Variants in CTC1 observed in about 807,000 individuals in gnomAD.
CTC1 encodes the protein CST complex subunit CTC1.
A neutral mutation model predicts 136.3 loss-of-function variants in CTC1; 91 were observed. The observed-to-expected ratio is 0.67, with a 90% CI of 0.56 to 0.79. The LOEUF is 0.79. CTC1 is among the 30% of genes least tolerant of loss of function. The pLI is 0.00. For missense variants in CTC1, 1,432 were observed against 1,498.1 expected, an observed-to-expected ratio of 0.96 and a Z score of 0.73; for synonymous variants, 606 against 613.8, an observed-to-expected ratio of 0.99 and a Z score of 0.19.
chr17:8,228,267 G>A lies in CTC1; in HGVS notation c.3567C>T (p.His1189=), dbSNP rs374942931. Residue 1189 remains histidine, a synonymous_variant, in exon 23 of 23, where the codon CAC becomes CAT. Transcript: ENST00000651323. ...FQCGELPFLT[H]VNPRLRLSCL... is the part of the protein sequence containing the mutation. ...AGGACAATCGGAGCCTGGGGTTCAC[G>A]TGAGTCAGGAAAGGGAGCTCTCCAC... The A allele has an allele frequency of 5.6e-5, 91 of 1,614,160 alleles. No individual in the cohort carries two copies. The African/African-American group carries it at 1.1e-3, about 19-fold the overall frequency.
At position 8,237,038 on chromosome 17, in the gene CTC1, G is replaced by GTTTT. The variant is rs59734806; in HGVS notation, c.792+333_792+336dup. Among the ~76,000 whole-genome samples, 16 of 142,964 alleles carry GTTTT rather than the reference G, an allele frequency of 1.1e-4. No individual in the cohort carries two copies. In the South Asian group the frequency reaches 2.7e-3, roughly 24 times the overall value. 93.8% of individuals were successfully genotyped at this position (142,964 alleles called of 152,430 possible). A position where few individuals can be genotyped will look rare whatever the true frequency, so the allele number is the denominator to read the frequency against. On this transcript the variant is annotated intron_variant, in intron 5 of 22. Transcript: ENST00000651323. ...AAAAAGAGTCAACAGTAAGTACCAA[G>GTTTT]TTTTTTTTTTTTTTTTAATGCCTGT... is the stretch of plus-strand genomic sequence containing the variant.
chr17:8,236,346 G>A lies in CTC1; in HGVS notation c.793-4C>T. ...GCCACACCAGCTGGGCAGGGACCTG[G>A]CTTGTGCAGAGACAGGCAATGTGAC... On this transcript the variant is annotated splice_polypyrimidine_tract_variant and splice_region_variant and intron_variant, in intron 5 of 22. Transcript: ENST00000651323. The A allele has an allele frequency of 2.5e-6, 4 of 1,602,286 alleles. No homozygotes were observed. Among genetic ancestry groups the A allele is most frequent in the Non-Finnish European group, 3.4e-6 (4 of 1,178,328 alleles).
Position 8,226,151 on chromosome 17 carries a change from G to A in CTC1, c.*2029C>T, listed in dbSNP as rs1474118977. On this transcript the variant is annotated 3_prime_UTR_variant, in exon 23 of 23. Transcript: ENST00000651323. ...ATGTGGGTGCTATGAGTGCAGAACA[G>A]AAACTCTTACGCGTTCTGATATAAA... 6.6e-6 allele frequency: 1 copy of A among 152,194 alleles called. No homozygotes were observed. The highest frequency in any genetic ancestry group is 1.5e-5 in the Non-Finnish European group (1 of 68,028). 9.4% of individuals were successfully genotyped at this position (152,194 alleles called of 1,614,324 possible). A position where few individuals can be genotyped will look rare whatever the true frequency, so the allele number is the denominator to read the frequency against.
Position 8,232,105 on chromosome 17 carries a change from C to T in CTC1, c.2183G>A (p.Gly728Glu), listed in dbSNP as rs1483843911. Residue 728 changes from glycine (G) to glutamate (E), a missense_variant, in exon 13 of 23, where the codon GGA becomes GAA. Physicochemically the swap from Gly to Glu is moderately conservative, Grantham distance 98. Coordinates refer to ENST00000651323, the MANE Select transcript of CTC1 (RefSeq NM_025099.6). ...GCAGAGCAAGAAGAGCCGGCTCTGT[C>T]CTAGGTGGGGTCCCTCTGGGCCGGT... ...DPTGPEGPHL[G>E]QSRLFLLCHK... 1 of 1,540,414 alleles carries T rather than the reference C, an allele frequency of 6.5e-7. No individual in the cohort carries two copies. Among genetic ancestry groups the T allele is most frequent in the Admixed American group, 2.2e-5 (1 of 46,488 alleles).
intron 2 of CTC1, among the ~76,000 whole-genome samples, chr17:8,241,881 G>GA: frequency 6.7e-6 from 1 of 149,810 alleles, no homozygotes; most frequent in Middle Eastern, 3.5e-3. Context: ...AAATCACGGA[G>GA]GGTATTTACA....
At chr17:8,247,914 C>G in intron 1 of CTC1, 90 bp downstream of exon 1, 1 of 1,401,438 alleles carries the variant, frequency 7.1e-7, no homozygotes, top group Non-Finnish European at 9.9e-7. Context: ...GCCAGCGAGC[C>G]CAGAGAGACA....
rs892408695 is a variant in CTC1 at position 8,228,214 on chromosome 17, G to A, written c.3620C>T (p.Ser1207Phe). 9.3e-6 allele frequency: 15 copies of A among 1,613,984 alleles called. No homozygotes were observed. The highest frequency in any genetic ancestry group is 1.0e-5 in the Non-Finnish European group (12 of 1,179,988). Residue 1207 changes from serine (S) to phenylalanine (F), a missense_variant, in exon 23 of 23, where the codon TCC (serine) becomes TTC (phenylalanine). Physicochemically the swap from Ser to Phe is radical, Grantham distance 155 (BLOSUM62 -2). Transcript: ENST00000651323. ...SCLSIRESEY[S>F]SSLGILASSC The stretch of plus-strand genomic sequence containing the variant: ...GGAAGCAAGGATCCCCAGAGAGCTG[G>A]AGTACTCTGACTCTCGGATAGAAAG...
chr17:8,226,262 T>C lies in CTC1; in HGVS notation c.*1918A>G, dbSNP rs1383660524. 1 of 152,248 alleles carries C rather than the reference T, an allele frequency of 6.6e-6. No individual in the cohort carries two copies. Among genetic ancestry groups the C allele is most frequent in the Non-Finnish European group, 1.5e-5 (1 of 68,030 alleles). The allele number at this position is 152,248 out of a possible 1,614,324, so 9.4% of individuals were successfully genotyped here. A position where few individuals can be genotyped will look rare whatever the true frequency, so the allele number is the denominator to read the frequency against. ...GCACCGCTGGGATTCGAACCCAGGA[T>C]CTCCTGTTTACTAGACAGGCGCTTT... is the stretch of plus-strand genomic sequence containing the variant. On this transcript the variant is annotated 3_prime_UTR_variant, in exon 23 of 23. Coordinates refer to ENST00000651323, the MANE Select transcript of CTC1 (RefSeq NM_025099.6).
intron 2 of CTC1, among the ~76,000 whole-genome samples, chr17:8,240,662 C>T (rs1019303827): frequency 1.7e-4 from 25 of 151,164 alleles, no homozygotes; most frequent in African/African-American, 6.1e-4. Context: ...GGAGGATCAC[C>T]TGAGGTCAGG....
At position 8,233,037 on chromosome 17, in the gene CTC1, A is replaced by G; in HGVS notation, c.1819-5T>C. On this transcript the variant is annotated splice_region_variant and splice_polypyrimidine_tract_variant and intron_variant, in intron 10 of 22. Coordinates refer to ENST00000651323, the MANE Select transcript of CTC1 (RefSeq NM_025099.6). ...CACCAGAACCCCAAGTAAAACCTGC[A>G]AGAAGATGAAGGTTGAGTTATCAAA... 1 of 1,613,882 alleles carries G rather than the reference A, an allele frequency of 6.2e-7. No individual in the cohort carries two copies. The highest frequency in any genetic ancestry group is 8.5e-7 in the Non-Finnish European group (1 of 1,179,822).
At position 8,226,036 on chromosome 17, in the gene CTC1, T is replaced by C. The variant is rs1390842184; in HGVS notation, c.*2144A>G. The C allele has an allele frequency of 6.6e-6, 1 of 152,050 alleles. No individual in the cohort carries two copies. Among genetic ancestry groups the C allele is most frequent in the African/African-American group, 2.4e-5 (1 of 41,372 alleles). The allele number at this position is 152,050 out of a possible 1,614,324, so 9.4% of individuals were successfully genotyped here. A position where few individuals can be genotyped will look rare whatever the true frequency, so the allele number is the denominator to read the frequency against. ...GTGGCATCAGTTAAGCAAAGGACCC[T>C]TAGGCCTATGCAACATTTCTGCCCC... On this transcript the variant is annotated 3_prime_UTR_variant, in exon 23 of 23. Coordinates refer to ENST00000651323, the MANE Select transcript of CTC1 (RefSeq NM_025099.6).
At position 8,229,431 on chromosome 17, in the gene CTC1, G is replaced by A. The variant is rs1987020958; in HGVS notation, c.3027C>T (p.His1009=). 1.2e-6 allele frequency: 2 copies of A among 1,613,384 alleles called. No individual in the cohort carries two copies. The highest frequency in any genetic ancestry group is 1.3e-5 in the African/African-American group (1 of 74,932). ...CCTGCAGAAGTTCAGCCAGGTAGAT[G>A]TGGGGCAGGGGAATGCTAAATAAAT... is the stretch of plus-strand genomic sequence containing the variant. ...PETTISIPLP[H]IYLAELLQGG... is the part of the protein sequence containing the mutation. Residue 1009 remains histidine, a synonymous_variant, in exon 19 of 23, where the codon CAC becomes CAT. Coordinates refer to ENST00000651323, the MANE Select transcript of CTC1 (RefSeq NM_025099.6).
At chr17:8,233,892 G>A (rs747422385) in intron 10 of CTC1, among the ~76,000 whole-genome samples, 6 of 152,310 alleles carry the variant, frequency 3.9e-5, no homozygotes, top group Middle Eastern at 3.4e-3. Flanking sequence ...AGCCATGATC[G>A]CGCCAATGCA....
chr17:8,235,499 G>A, intron 7 of CTC1: 1 of 599,600 alleles, frequency 1.7e-6, no homozygotes, highest in Non-Finnish European at 3.0e-6. Context: ...TGTGGGCTGG[G>A]TGGCTCCTGG....
At position 8,237,375 on chromosome 17, in the gene CTC1, C is replaced by T; in HGVS notation, c.792G>A (p.Gln264=). The change falls in exon 5 of 23, where the codon CAG becomes CAA. Residue 264 remains glutamine (Q), a splice_region_variant and synonymous_variant. Transcript: ENST00000651323. ...PAVTHVSIIV[Q]VPAQLVWHRA... is the part of the protein sequence containing the mutation. ...TGGCTGAAATGACCCCAGTCCTCAC[C>T]TGCACGATGATGGACACGTGGGTGA... 6.2e-7 allele frequency: 1 copy of T among 1,614,064 alleles called. No individual in the cohort carries two copies. The highest frequency in any genetic ancestry group is 8.5e-7 in the Non-Finnish European group (1 of 1,180,008).
chr17:8,239,755 C>T (rs1404490339), intron 2 of CTC1, among the ~76,000 whole-genome samples: 4 of 151,844 alleles, frequency 2.6e-5, no homozygotes, highest in Non-Finnish European at 4.4e-5. Context: ...TGAAAAGGAT[C>T]GAGTTACAAA....
Position 8,225,223 on chromosome 17 carries a change from T to G in CTC1, c.*2957A>C, listed in dbSNP as rs1363379687. 2 of 152,286 alleles carry G rather than the reference T, an allele frequency of 1.3e-5. No homozygotes were observed. Among genetic ancestry groups the G allele is most frequent in the Non-Finnish European group, 2.9e-5 (2 of 68,082 alleles). The allele number at this position is 152,286 out of a possible 1,614,324, so 9.4% of individuals were successfully genotyped here. Reference sequence around the variant, plus strand: ...ATCACCCTCTACCCTCAGGCCAGATTAGATTCCACTTCTCCCTGTTCTTAC... The same window carrying G: ...ATCACCCTCTACCCTCAGGCCAGATGAGATTCCACTTCTCCCTGTTCTTAC... On this transcript the variant is annotated 3_prime_UTR_variant, in exon 23 of 23. Transcript: ENST00000651323.
chr17:8,245,021 T>C (rs1988560775), intron 1 of CTC1, among the ~76,000 whole-genome samples: 1 of 152,178 alleles, frequency 6.6e-6, no homozygotes. Context: ...TGGAGACCAT[T>C]ATCCTTAGCA....
At chr17:8,239,261 T>C (rs935074739) in intron 2 of CTC1, among the ~76,000 whole-genome samples, 1 of 152,072 alleles carries the variant, frequency 6.6e-6, no homozygotes, top group Non-Finnish European at 1.5e-5. Context: ...ACTTTGTAAG[T>C]AACAAAGGCA....
Sources: allele counts gnomAD v4.1 joint callset (sites outside exome capture counted in the v4.1 genomes callset), GRCh38; gene constraint gnomAD v4.1.1; transcripts MANE v1.5; gene names NCBI Gene and HGNC (gene_info 2026-07-23, HGNC 2026-07-21).